The following EFTUD2 variants were observed in gnomAD, a reference collection of about 807,000 sequenced individuals.
The protein encoded by EFTUD2 is 116 kDa U5 small nuclear ribonucleoprotein component.
EFTUD2 carries 9 observed loss-of-function variants against 114.3 expected under a neutral mutation model. The observed-to-expected ratio is 0.08, with a 90% CI of 0.05 to 0.14. EFTUD2 has a LOEUF of 0.14. EFTUD2 is among the 10% of genes least tolerant of loss of function. The probability of loss-of-function intolerance (pLI) is 1.00; values close to 1 mark genes in which losing one functional copy is unlikely to be tolerated. For missense variants in EFTUD2, 765 were observed against 1,241.2 expected (o/e 0.62, Z 5.76); for synonymous variants, 449 against 462.3 (o/e 0.97, Z 0.37).
In EFTUD2 at chr17:44,854,153, T is replaced by C; in HGVS notation, c.2347+116A>G. 1 of 1,420,804 alleles carries C rather than the reference T, an allele frequency of 7.0e-7. No individual in the cohort carries two copies. The allele number at this position is 1,420,804 out of a possible 1,614,324, so 88.0% of individuals were successfully genotyped here. ...GCTGGCCCAGGACTTGGGATGGTCCTGTGTACCCCAAGCTGCTTCTCCTGC... is the reference window on the plus strand; with the variant it reads ...GCTGGCCCAGGACTTGGGATGGTCCCGTGTACCCCAAGCTGCTTCTCCTGC... On this transcript the variant is annotated intron_variant, in intron 23 of 27. Transcript: ENST00000426333. This position sits in a 1 kb window ranked among gnomAD's most constrained non-coding sequence, Gnocchi z 4.3.
chr17:44,864,936 A>G lies in EFTUD2; in HGVS notation c.1279T>C (p.Phe427Leu). 6.2e-7 allele frequency: 1 copy of G among 1,614,098 alleles called. No individual in the cohort carries two copies. Among genetic ancestry groups the G allele is most frequent in the East Asian group, 2.2e-5 (1 of 44,876 alleles). Residue 427 changes from phenylalanine to leucine, a missense_variant, in exon 14 of 28, where the codon TTC (phenylalanine) becomes CTC (leucine). Phe to Leu is a conservative substitution (Grantham distance 22). Around this residue, in one of 6 missense-constraint regions of EFTUD2, gnomAD observed 251 missense variants for 357.7 expected, o/e 0.70. Transcript: ENST00000426333. ...RLVCKKFFGE[F>L]TGFVDMCVQH... ...GCCACGAGCACATTATTACCTGTGA[A>G]CTCGCCAAAGAACTTTTTGCAGACC... is the stretch of plus-strand genomic sequence containing the variant.
At chr17:44,895,680 T>C (rs1286051828) in intron 1 of EFTUD2, 1 of 152,150 alleles carries the variant, frequency 6.6e-6, no homozygotes, top group Non-Finnish European at 1.5e-5. Flanking sequence ...TCCCTCACCA[T>C]GTGTAATTCC....
At chr17:44,877,487 AC>A (rs1271986473) in intron 9 of EFTUD2, among the ~76,000 whole-genome samples, 1 of 152,202 alleles carries the variant, frequency 6.6e-6, no homozygotes, top group Non-Finnish European at 1.5e-5. Context: ...TGGGGGAGAA[AC>A]AAAAGCACTT....
At chr17:44,868,157 A>G (rs1194964885) in intron 12 of EFTUD2, 130 bp downstream of exon 12, 1 of 926,984 alleles carries the variant, frequency 1.1e-6, no homozygotes, top group East Asian at 2.7e-5. Context: ...AGGGGAGGAA[A>G]GACGGTAGTT....
chr17:44,876,717 G>C (rs1414930792), intron 9 of EFTUD2, among the ~76,000 whole-genome samples: 1 of 151,964 alleles, frequency 6.6e-6, no homozygotes, highest in African/African-American at 2.4e-5. Context: ...GCTGGGCGTG[G>C]TGGCAGGCAC....
intron 6 of EFTUD2, 64 bp from the exon 7 acceptor site, chr17:44,881,786 A>C (rs968795182): frequency 6.6e-7 from 1 of 1,510,050 alleles, no homozygotes; most frequent in African/African-American, 1.4e-5. Context: ...ACGAACCATC[A>C]ATCACTTTCC....
At chr17:44,871,696 C>T (rs936222211) in intron 11 of EFTUD2, among the ~76,000 whole-genome samples, 1 of 152,064 alleles carries the variant, frequency 6.6e-6, no homozygotes, top group Non-Finnish European at 1.5e-5. Flanking sequence ...GGGCTCCATG[C>T]TAAGAGTGCG....
At position 44,853,445 on chromosome 17, in the gene EFTUD2, A is replaced by G. The variant is rs1411477611; in HGVS notation, c.2467-55T>C. ...AGCTTGGGGAAGGCTGGGGGCCTAT[A>G]GTCCCACTTGCTCCTTCACTTAGTC... On this transcript the variant is annotated intron_variant, in intron 24 of 27. Coordinates refer to ENST00000426333, the MANE Select transcript of EFTUD2 (RefSeq NM_004247.4). The G allele has an allele frequency of 6.8e-6, 11 of 1,612,082 alleles. No homozygotes were observed. In the East Asian group the frequency reaches 2.5e-4, roughly 36 times the overall value.
At chr17:44,871,025 A>C (rs1237474349) in intron 11 of EFTUD2, among the ~76,000 whole-genome samples, 2 of 151,628 alleles carry the variant, frequency 1.3e-5, no homozygotes. Context: ...CTCAAAAAAA[A>C]AAGAAAAAGA....
chr17:44,886,865 G>A, intron 2 of EFTUD2, 115 bp from the exon 3 acceptor site: 2 of 1,480,486 alleles, frequency 1.4e-6, no homozygotes, highest in Non-Finnish European at 1.8e-6. Flanking sequence ...TTCTTATTCT[G>A]AGTTCTATGC....
chr17:44,883,357 C>A (rs1470284841), intron 5 of EFTUD2, among the ~76,000 whole-genome samples, 199 bp from the exon 6 acceptor site: 2 of 152,192 alleles, frequency 1.3e-5, no homozygotes, highest in Non-Finnish European at 2.9e-5. Flanking sequence ...CTTAGACAGG[C>A]ATCCCTCAGG....
In EFTUD2 at chr17:44,850,241, C is replaced by A. The variant is rs371585119; in HGVS notation, c.*1033G>T. On this transcript the variant is annotated 3_prime_UTR_variant, in exon 28 of 28. Coordinates refer to ENST00000426333, the MANE Select transcript of EFTUD2 (RefSeq NM_004247.4). ...GCGGGAAGCTGGACTCTCAAGGGAGCAGCTAGAGGTGAACCCCTAGGACGC... is the reference window on the plus strand; with the variant it reads ...GCGGGAAGCTGGACTCTCAAGGGAGAAGCTAGAGGTGAACCCCTAGGACGC... 3.2e-5 allele frequency: 30 copies of A among 924,386 alleles called. No homozygotes were observed. The highest frequency in any genetic ancestry group is 2.0e-4 in the East Asian group (8 of 39,964). The allele number at this position is 924,386 out of a possible 1,614,324, so 57.3% of individuals were successfully genotyped here.
At chr17:44,876,317 G>C (rs535446749) in intron 9 of EFTUD2, among the ~76,000 whole-genome samples, 1 of 152,198 alleles carries the variant, frequency 6.6e-6, no homozygotes, top group Non-Finnish European at 1.5e-5. Flanking sequence ...ATAAACCCAT[G>C]AACAATGATG....
chr17:44,895,234 G>A (rs570050742), intron 1 of EFTUD2, among the ~76,000 whole-genome samples: 4 of 152,384 alleles, frequency 2.6e-5, no homozygotes, highest in African/African-American at 9.6e-5. Flanking sequence ...GGTGGCGCAT[G>A]CCTGTAATAC....
At chr17:44,891,088 G>A (rs533366450) in intron 2 of EFTUD2, among the ~76,000 whole-genome samples, 20 of 152,148 alleles carry the variant, frequency 1.3e-4, no homozygotes, top group Admixed American at 1.1e-3. Context: ...CAGCAACAGG[G>A]AGAAACCCTA....
chr17:44,867,980 C>A, intron 12 of EFTUD2, 83 bp from the exon 13 acceptor site: 1 of 1,308,162 alleles, frequency 7.6e-7, no homozygotes, highest in Non-Finnish European at 1.0e-6. Flanking sequence ...AGTGCTGAAT[C>A]TGAACAACAG....
chr17:44,897,215 CAAAAA>C (rs60766041), intron 1 of EFTUD2, among the ~76,000 whole-genome samples: 3 of 66,516 alleles, frequency 4.5e-5, no homozygotes, highest in Non-Finnish European at 6.1e-5. Context: ...GACTCCGTCT[CAAAAA>C]AAAAAAAAAA....
chr17:44,886,063 C>T (rs1478269234), intron 3 of EFTUD2, among the ~76,000 whole-genome samples: 1 of 152,010 alleles, frequency 6.6e-6, no homozygotes, highest in Non-Finnish European at 1.5e-5. Flanking sequence ...ATGGTGAAAC[C>T]CCGTTTCTAC....
At chr17:44,888,109 A>G (rs1362322631) in intron 2 of EFTUD2, among the ~76,000 whole-genome samples, 1 of 152,230 alleles carries the variant, frequency 6.6e-6, no homozygotes, top group African/African-American at 2.4e-5. Context: ...GAAACAGCGA[A>G]TGCAAAGGCC....
Sources: allele counts gnomAD v4.1 joint callset (sites outside exome capture counted in the v4.1 genomes callset), GRCh38; gene constraint gnomAD v4.1.1; regional missense constraint gnomAD v4.1.1; non-coding constraint Gnocchi (gnomAD v3.1); transcripts MANE v1.5; gene names NCBI Gene and HGNC (gene_info 2026-07-23, HGNC 2026-07-21).